The following PPP6R2 variants were observed in gnomAD, a reference collection of about 807,000 sequenced individuals.
The protein encoded by PPP6R2 is serine/threonine-protein phosphatase 6 regulatory subunit 2.
In PPP6R2, 62 loss-of-function variants were observed where a neutral mutation model predicts 100.2. The ratio of observed to expected loss-of-function variants is 0.62; its 90% CI spans 0.50 to 0.76. The LOEUF (loss-of-function observed/expected upper bound fraction) is 0.76, where lower values mean the gene tolerates loss of function less well. PPP6R2 is among the 30% of genes least tolerant of loss of function. The probability of loss-of-function intolerance (pLI) is 0.00; values close to 1 mark genes in which losing one functional copy is unlikely to be tolerated. For missense variants in PPP6R2, 1,142 were observed against 1,276.3 expected, an observed-to-expected ratio of 0.89 and a Z score of 1.60; for synonymous variants, 525 against 514.7, an observed-to-expected ratio of 1.02 and a Z score of -0.27.
intron 4 of PPP6R2, among the ~76,000 whole-genome samples, chr22:50,410,942 C>T (rs2059664398): frequency 6.6e-6 from 1 of 152,098 alleles, no homozygotes; most frequent in African/African-American, 2.4e-5. Flanking sequence ...CAGGTGCCTG[C>T]CCCCATGACC....
intron 22 of PPP6R2, among the ~76,000 whole-genome samples, chr22:50,441,789 G>T (rs962662520): frequency 6.6e-6 from 1 of 152,144 alleles, no homozygotes; most frequent in African/African-American, 2.4e-5. Context: ...GAAGGTCCCT[G>T]GGATCCTTCA....
At chr22:50,369,160 C>A (rs554375531) in intron 1 of PPP6R2, among the ~76,000 whole-genome samples, 2 of 151,720 alleles carry the variant, frequency 1.3e-5, no homozygotes, top group African/African-American at 4.8e-5. Flanking sequence ...ATCGCTTGAA[C>A]CTAGGAGGCG....
chr22:50,371,577 GAC>G (rs879264457), intron 1 of PPP6R2, among the ~76,000 whole-genome samples: 7 of 152,030 alleles, frequency 4.6e-5, no homozygotes, highest in African/African-American at 7.2e-5. Flanking sequence ...TGAAATCAAA[GAC>G]AAATTTTATA....
At chr22:50,363,338 A>G (rs963534021) in intron 1 of PPP6R2, among the ~76,000 whole-genome samples, 7 of 152,360 alleles carry the variant, frequency 4.6e-5, no homozygotes, top group African/African-American at 1.7e-4. Context: ...CAGGAGAATC[A>G]GCAGTCGGGT....
At chr22:50,433,095 G>A (rs528992716) in intron 12 of PPP6R2, among the ~76,000 whole-genome samples, 16 of 152,404 alleles carry the variant, frequency 1.0e-4, no homozygotes, top group African/African-American at 2.9e-4. Context: ...GGCACTTTTG[G>A]TAGTGAGGTT....
At chr22:50,435,372 CAG>C (rs2064002654) in intron 13 of PPP6R2, among the ~76,000 whole-genome samples, 2 of 152,206 alleles carry the variant, frequency 1.3e-5, no homozygotes, top group South Asian at 4.1e-4. Flanking sequence ...AGCTGGCACT[CAG>C]AAGCCGTTAG....
chr22:50,382,963 G>T (rs538369718), intron 2 of PPP6R2, among the ~76,000 whole-genome samples: 2 of 151,352 alleles, frequency 1.3e-5, no homozygotes, highest in South Asian at 4.2e-4. Context: ...TCAGTCTCCC[G>T]AGTAGCTGTG....
chr22:50,393,068 C>A (rs936114973), intron 2 of PPP6R2, among the ~76,000 whole-genome samples: 24 of 152,164 alleles, frequency 1.6e-4, no homozygotes, highest in African/African-American at 5.3e-4. Context: ...AACTTTGTTG[C>A]TAACCAGCCC....
chr22:50,349,487 A>C (rs1040189479), intron 1 of PPP6R2, among the ~76,000 whole-genome samples: 12 of 150,156 alleles, frequency 8.0e-5, no homozygotes, highest in Admixed American at 2.7e-4. Flanking sequence ...TGAGCAACAT[A>C]GTGAGGCCCC....
intron 3 of PPP6R2, among the ~76,000 whole-genome samples, chr22:50,395,505 C>T (rs1287595071): frequency 1.3e-5 from 2 of 152,152 alleles, no homozygotes; most frequent in Admixed American, 6.5e-5. Flanking sequence ...AAACCTCGGC[C>T]TGCAGGTCAT....
Position 50,415,397 on chromosome 22 carries a change from CTG to C in PPP6R2, c.553-694_553-693del, listed in dbSNP as rs2060391510. On this transcript the variant is annotated intron_variant, in intron 5 of 23. Transcript: ENST00000612753. ...GGGAGGAGCTTCTCACCAGGAATGA[CTG>C]ACCGCCACCAACCTTTACACAGTGG... 4.6e-5 allele frequency among the ~76,000 whole-genome samples: 7 copies of C among 152,372 alleles called. No homozygotes were observed. In the South Asian group the frequency reaches 1.5e-3, roughly 32 times the overall value.
intron 3 of PPP6R2, among the ~76,000 whole-genome samples, chr22:50,405,270 C>A (rs1187561103): frequency 1.4e-5 from 2 of 139,634 alleles, no homozygotes; most frequent in Non-Finnish European, 3.1e-5. Flanking sequence ...AGGCAAGAGG[C>A]CTGGCAGGCG....
At chr22:50,383,348 T>A (rs1267272938) in intron 2 of PPP6R2, among the ~76,000 whole-genome samples, 1 of 152,220 alleles carries the variant, frequency 6.6e-6, no homozygotes, top group African/African-American at 2.4e-5. Flanking sequence ...TCGAGTCCTT[T>A]TGGAAGTCTT....
intron 22 of PPP6R2, 37 bp from the exon 23 acceptor site, chr22:50,443,829 G>T (rs544763487): frequency 4.0e-5 from 62 of 1,541,290 alleles, no homozygotes; most frequent in Non-Finnish European, 5.2e-5. Flanking sequence ...ACTGAGGGTG[G>T]GGGTGCCCGT....
At chr22:50,399,808 C>G (rs1158614088) in intron 3 of PPP6R2, among the ~76,000 whole-genome samples, 1 of 152,230 alleles carries the variant, frequency 6.6e-6, no homozygotes, top group Non-Finnish European at 1.5e-5. Flanking sequence ...GGCTGGTCAC[C>G]TTCTGGAGTC....
At chr22:50,337,100 G>A in the PPP6R2 span, among the ~76,000 whole-genome samples, 1 of 140,556 alleles carries the variant, frequency 7.1e-6, no homozygotes, top group Non-Finnish European at 1.6e-5. Context: ...GGAAGGTGGT[G>A]ATGAAGAGAG....
Position 50,406,998 on chromosome 22 carries a change from T to C in PPP6R2, c.414+123T>C, listed in dbSNP as rs1001065188. Reference sequence around the variant, plus strand: ...GCGGGAACAGCATCTGTGACTCTTCTGCGCAACACGTGGAGCAGTGTGTGG... The same window carrying C: ...GCGGGAACAGCATCTGTGACTCTTCCGCGCAACACGTGGAGCAGTGTGTGG... On this transcript the variant is annotated intron_variant, in intron 4 of 23. Coordinates refer to ENST00000612753, the MANE Select transcript of PPP6R2 (RefSeq NM_001242898.2). 20 of 978,596 alleles carry C rather than the reference T, an allele frequency of 2.0e-5. No individual in the cohort carries two copies. The African/African-American group carries it at 3.2e-4, about 16-fold the overall frequency. The allele number at this position is 978,596 out of a possible 1,614,324, so 60.6% of individuals were successfully genotyped here.
chr22:50,364,532 A>G (rs112468622), intron 1 of PPP6R2, among the ~76,000 whole-genome samples: 1 of 152,208 alleles, frequency 6.6e-6, no homozygotes, highest in Non-Finnish European at 1.5e-5. Flanking sequence ...TATTTAAAAA[A>G]TTTCATAATT....
chr22:50,422,789 C>G (rs1218935460), intron 9 of PPP6R2, among the ~76,000 whole-genome samples: 2 of 152,166 alleles, frequency 1.3e-5, no homozygotes, highest in Non-Finnish European at 2.9e-5. Flanking sequence ...AGGCAACTCC[C>G]CATCCCGTCT....
Sources: gnomAD v4.1 joint callset for allele counts (sites outside exome capture counted in the v4.1 genomes callset) on GRCh38, gnomAD v4.1.1 for gene constraint, MANE v1.5 for transcripts, NCBI Gene and HGNC (gene_info 2026-07-23, HGNC 2026-07-21) for gene names.